The following FIG4 variants were observed in gnomAD, a reference collection of about 807,000 sequenced individuals.
The protein encoded by FIG4 is polyphosphoinositide phosphatase.
A neutral mutation model predicts 118.6 loss-of-function variants in FIG4; 112 were observed. The ratio of observed to expected loss-of-function variants is 0.94; its 90% CI spans 0.81 to 1.11. The LOEUF is 1.11. Among genes scored for constraint, FIG4 ranks in the 50% least tolerant of loss-of-function variants. The probability of loss-of-function intolerance (pLI) is 0.00; values close to 1 mark genes in which losing one functional copy is unlikely to be tolerated. For synonymous variants in FIG4, 369 were observed against 381.2 expected (o/e 0.97, Z 0.37); for missense variants, 969 against 1,111.7 (o/e 0.87, Z 1.83).
intron 3 of FIG4, among the ~76,000 whole-genome samples, chr6:109,722,976 G>A (rs1775655636): frequency 1.8e-5 from 2 of 112,348 alleles, no homozygotes; most frequent in Non-Finnish European, 3.6e-5. Flanking sequence ...GGCGGCACCT[G>A]CCCAGAGTAG....
intron 10 of FIG4, among the ~76,000 whole-genome samples, chr6:109,758,142 A>G (rs1262086281): frequency 6.6e-6 from 1 of 152,244 alleles, no homozygotes; most frequent in Non-Finnish European, 1.5e-5. Context: ...AAGAGCCCGT[A>G]TAGCCAAGAC....
chr6:109,806,883 G>T (rs1447796589), intron 22 of FIG4, among the ~76,000 whole-genome samples: 2 of 152,078 alleles, frequency 1.3e-5, no homozygotes, highest in African/African-American at 4.8e-5. Context: ...TGTGTTAGTT[G>T]CTGAGAATGA....
At chr6:109,793,838 T>G (rs1778204957) in intron 21 of FIG4, among the ~76,000 whole-genome samples, 1 of 152,206 alleles carries the variant, frequency 6.6e-6, no homozygotes, top group South Asian at 2.1e-4. Flanking sequence ...AACTTGCACT[T>G]TTTTGAATAT....
chr6:109,694,496 A>G (rs981910749), intron 1 of FIG4, among the ~76,000 whole-genome samples: 1 of 152,230 alleles, frequency 6.6e-6, no homozygotes, highest in African/African-American at 2.4e-5. Context: ...AGAAGAAAAC[A>G]TAGGGGAAAT....
At chr6:109,751,300 G>A (rs9487203) in intron 10 of FIG4, among the ~76,000 whole-genome samples, 15,548 of 152,196 alleles carry the variant, frequency 0.1, 1,435 homozygotes, top group African/African-American at 0.24. Flanking sequence ...ATGCTCTGCT[G>A]CTGGATTCGG....
chr6:109,717,989 T>C (rs1437275087), intron 3 of FIG4, among the ~76,000 whole-genome samples: 1 of 152,192 alleles, frequency 6.6e-6, no homozygotes, highest in Non-Finnish European at 1.5e-5. Flanking sequence ...TGAGACTGGG[T>C]AATTTATAAA....
intron 14 of FIG4, among the ~76,000 whole-genome samples, chr6:109,765,673 A>G (rs1412838382): frequency 6.6e-6 from 1 of 152,186 alleles, no homozygotes; most frequent in African/African-American, 2.4e-5. Flanking sequence ...ACAAATCCAG[A>G]TGGCATTTTA....
At chr6:109,711,901 C>T (rs1181713638) in intron 1 of FIG4, among the ~76,000 whole-genome samples, 1 of 152,194 alleles carries the variant, frequency 6.6e-6, no homozygotes, top group East Asian at 1.9e-4. Context: ...TGAGAATGGT[C>T]TTTCCTTTCC....
chr6:109,799,278 C>T (rs1463057463), intron 22 of FIG4, among the ~76,000 whole-genome samples: 2 of 152,220 alleles, frequency 1.3e-5, no homozygotes, highest in African/African-American at 2.4e-5. Flanking sequence ...TTTTACACAG[C>T]ATCTTCAGCA....
intron 12 of FIG4, 36 bp downstream of exon 12, chr6:109,762,243 G>A: frequency 7.6e-7 from 1 of 1,307,300 alleles, no homozygotes. Context: ...AATAAATGAT[G>A]ATTTTTGCTC....
chr6:109,717,421 G>T (rs982337583), intron 3 of FIG4, among the ~76,000 whole-genome samples: 2 of 152,070 alleles, frequency 1.3e-5, no homozygotes, highest in Admixed American at 6.5e-5. Flanking sequence ...GATATGCATT[G>T]TCCCTCCTTG....
chr6:109,703,229 C>G (rs1455548848), intron 1 of FIG4, among the ~76,000 whole-genome samples: 1 of 152,148 alleles, frequency 6.6e-6, no homozygotes, highest in African/African-American at 2.4e-5. Context: ...ATGTCATTCT[C>G]TTCCACCTTC....
chr6:109,764,668 T>C (rs1328979666), intron 13 of FIG4, among the ~76,000 whole-genome samples: 1 of 152,018 alleles, frequency 6.6e-6, no homozygotes, highest in Non-Finnish European at 1.5e-5. Context: ...AATAAGGAGA[T>C]AGGTCAGAAA....
At chr6:109,712,570 T>C (rs1775299213) in intron 1 of FIG4, among the ~76,000 whole-genome samples, 1 of 152,200 alleles carries the variant, frequency 6.6e-6, no homozygotes, top group South Asian at 2.1e-4. Context: ...GAAATTCTTG[T>C]AGTATGTTTT....
intron 15 of FIG4, among the ~76,000 whole-genome samples, chr6:109,771,762 C>A (rs1020259309): frequency 4.6e-5 from 7 of 152,184 alleles, no homozygotes; most frequent in African/African-American, 1.7e-4. Flanking sequence ...TATTACAATG[C>A]TTGTGGTGGC....
At chr6:109,771,461 C>CTTTTTTT (rs71018367) in intron 15 of FIG4, among the ~76,000 whole-genome samples, 19 of 86,024 alleles carry the variant, frequency 2.2e-4, no homozygotes, top group East Asian at 1.2e-3. Flanking sequence ...TCCTCTAATT[C>CTTTTTTT]TTTTTTTTTT....
At chr6:109,724,206 A>G (rs1291325874) in intron 3 of FIG4, among the ~76,000 whole-genome samples, 1 of 152,074 alleles carries the variant, frequency 6.6e-6, no homozygotes. Flanking sequence ...GCACAGTCCT[A>G]TAAGGTTCTC....
At chr6:109,809,822 T>G (rs1026631645) in intron 22 of FIG4, among the ~76,000 whole-genome samples, 1 of 152,200 alleles carries the variant, frequency 6.6e-6, no homozygotes, top group African/African-American at 2.4e-5. Context: ...GTTTAAACAG[T>G]AAGATAATTT....
At chr6:109,800,806 C>T (rs9398216) in intron 22 of FIG4, among the ~76,000 whole-genome samples, 82,892 of 151,716 alleles carry the variant, frequency 0.55, 23,402 homozygotes, top group East Asian at 0.82. Context: ...GCCCCTCCTG[C>T]TTTTTTGTTC....
Sources: allele counts gnomAD v4.1 joint callset (sites outside exome capture counted in the v4.1 genomes callset), GRCh38; gene constraint gnomAD v4.1.1; transcripts MANE v1.5; gene names NCBI Gene and HGNC (gene_info 2026-07-23, HGNC 2026-07-21).